Variants in CDH7 observed in about 807,000 individuals in gnomAD.
CDH7 encodes the protein cadherin 7.
In CDH7, 25 loss-of-function variants were observed where a neutral mutation model predicts 71.8. The observed-to-expected ratio is 0.35, with a 90% CI of 0.25 to 0.49. The LOEUF (loss-of-function observed/expected upper bound fraction) is 0.49, where lower values mean the gene tolerates loss of function less well. Among genes scored for constraint, CDH7 ranks in the 20% least tolerant of loss-of-function variants. The pLI, the probability that CDH7 is intolerant of heterozygous loss-of-function variation, is 0.99. For synonymous variants in CDH7, 381 were observed against 363.8 expected (o/e 1.05, Z -0.54); for missense variants, 862 against 974.6 (o/e 0.88, Z 1.54).
intron 2 of CDH7, among the ~76,000 whole-genome samples, chr18:65,793,418 C>CAAAAAAAAA (rs541826329): frequency 2.2e-5 from 2 of 91,196 alleles, no homozygotes; most frequent in African/African-American, 7.7e-5. Context: ...CACCCAGTCT[C>CAAAAAAAAA]AAAAAAAAAA....
At chr18:65,791,961 T>G (rs1292148441) in intron 2 of CDH7, among the ~76,000 whole-genome samples, 1 of 152,192 alleles carries the variant, frequency 6.6e-6, no homozygotes, top group African/African-American at 2.4e-5. Flanking sequence ...GGCTTTTAAT[T>G]AAGTGGCCTT....
At chr18:65,776,081 G>A (rs1159456707) in intron 2 of CDH7, among the ~76,000 whole-genome samples, 1 of 151,994 alleles carries the variant, frequency 6.6e-6, no homozygotes, top group Non-Finnish European at 1.5e-5. Context: ...ATCCCTTTTG[G>A]TAACTGTTTT....
intron 2 of CDH7, among the ~76,000 whole-genome samples, chr18:65,804,047 G>T (rs1457260271): frequency 6.6e-6 from 1 of 152,092 alleles, no homozygotes; most frequent in Admixed American, 6.6e-5. Flanking sequence ...AAGTCAGTGA[G>T]CATCACAGAG....
At chr18:65,834,454 A>G (rs1397919037) in intron 6 of CDH7, among the ~76,000 whole-genome samples, 2 of 152,210 alleles carry the variant, frequency 1.3e-5, no homozygotes. Flanking sequence ...AAGGCTTTAG[A>G]CATTTCTTGG....
chr18:65,776,721 A>C (rs543040196), intron 2 of CDH7, among the ~76,000 whole-genome samples: 1 of 152,266 alleles, frequency 6.6e-6, no homozygotes, highest in South Asian at 2.1e-4. Context: ...CATATCGCCG[A>C]GGTTTACCAA....
At chr18:65,822,531 G>A (rs1372962007) in intron 5 of CDH7, among the ~76,000 whole-genome samples, 1 of 146,078 alleles carries the variant, frequency 6.8e-6, no homozygotes, top group African/African-American at 2.5e-5. Context: ...ATTATTAATT[G>A]TGTTTATGTA....
At chr18:65,872,110 C>G (rs9946001) in intron 11 of CDH7, among the ~76,000 whole-genome samples, 108,864 of 152,024 alleles carry the variant, frequency 0.72, 39,827 homozygotes, top group East Asian at 0.93. Flanking sequence ...CTTTTAAACT[C>G]GCTGCAAGCA....
At chr18:65,863,228 G>C (rs1339560665) in intron 11 of CDH7, 2 of 336,502 alleles carry the variant, frequency 5.9e-6, no homozygotes, top group South Asian at 3.7e-5. Flanking sequence ...AGTAGAGACT[G>C]AGTTTCACCA....
chr18:65,843,801 T>C lies in CDH7; in HGVS notation c.982-11T>C, dbSNP rs367593186. The C allele has an allele frequency of 1.5e-5, 22 of 1,483,488 alleles. No homozygotes were observed. The African/African-American group carries it at 1.7e-4, about 12-fold the overall frequency. The allele number at this position is 1,483,488 out of a possible 1,614,324, so 91.9% of individuals were successfully genotyped here. On this transcript the variant is annotated splice_polypyrimidine_tract_variant and intron_variant, in intron 6 of 11. Coordinates refer to ENST00000397968, the MANE Select transcript of CDH7 (RefSeq NM_004361.5). The stretch of plus-strand genomic sequence containing the variant: ...CCGGTAATTTAATTTTCCTAACGAC[T>C]TTCTTTACAGGAGCTGGATTTTGAA...
At chr18:65,879,937 A>C (rs983928263) in intron 11 of CDH7, among the ~76,000 whole-genome samples, 8 of 152,200 alleles carry the variant, frequency 5.3e-5, no homozygotes, top group Non-Finnish European at 1.0e-4. Flanking sequence ...AGGAGTAGGC[A>C]TTTCTTCAAA....
chr18:65,756,271 GT>G (rs1418244648), intron 1 of CDH7, among the ~76,000 whole-genome samples: 1 of 152,080 alleles, frequency 6.6e-6, no homozygotes, highest in Non-Finnish European at 1.5e-5. Flanking sequence ...GTACTATTAT[GT>G]TTCATAGGTC....
At chr18:65,790,044 A>T (rs534102296) in intron 2 of CDH7, among the ~76,000 whole-genome samples, 1 of 151,942 alleles carries the variant, frequency 6.6e-6, no homozygotes, top group East Asian at 2.0e-4. Context: ...CCTGGCTAAC[A>T]TGGTAAAACC....
intron 2 of CDH7, among the ~76,000 whole-genome samples, chr18:65,790,811 G>C (rs1646561082): frequency 6.6e-6 from 1 of 152,208 alleles, no homozygotes; most frequent in East Asian, 1.9e-4. Flanking sequence ...AGAGGTTGCA[G>C]TAAGCCGAGA....
intron 7 of CDH7, among the ~76,000 whole-genome samples, chr18:65,848,151 G>A (rs1599048132): frequency 6.6e-6 from 1 of 152,034 alleles, no homozygotes; most frequent in African/African-American, 2.4e-5. Context: ...ACGTTTCTGA[G>A]TGATAGAAAC....
chr18:65,824,284 T>C (rs1912044873), intron 5 of CDH7, among the ~76,000 whole-genome samples: 1 of 151,856 alleles, frequency 6.6e-6, no homozygotes, highest in South Asian at 2.1e-4. Flanking sequence ...ATTTTACACA[T>C]TATTGTAATT....
chr18:65,782,190 A>C (rs1222285620), intron 2 of CDH7, among the ~76,000 whole-genome samples: 1 of 125,818 alleles, frequency 7.9e-6, no homozygotes, highest in Non-Finnish European at 1.7e-5. Flanking sequence ...TTCTTTCTTG[A>C]CAGAGTCTCA....
At chr18:65,841,276 A>G (rs1912723153) in intron 6 of CDH7, among the ~76,000 whole-genome samples, 1 of 152,120 alleles carries the variant, frequency 6.6e-6, no homozygotes, top group Non-Finnish European at 1.5e-5. Context: ...GATACATTTA[A>G]AAAAACAAGT....
intron 2 of CDH7, among the ~76,000 whole-genome samples, chr18:65,766,901 A>ATTGTCTAC (rs1568174087): frequency 1.1e-4 from 6 of 55,468 alleles, no homozygotes; most frequent in South Asian, 6.9e-4. Flanking sequence ...AAAAAAAAAA[A>ATTGTCTAC]AAAAAAAAAA....
At chr18:65,772,461 G>T (rs1598992564) in intron 2 of CDH7, among the ~76,000 whole-genome samples, 1 of 152,126 alleles carries the variant, frequency 6.6e-6, no homozygotes, top group East Asian at 1.9e-4. Context: ...GTGGTTAACT[G>T]ATATGTTTTG....
Sources: allele counts gnomAD v4.1 joint callset (sites outside exome capture counted in the v4.1 genomes callset), GRCh38; gene constraint gnomAD v4.1.1; transcripts MANE v1.5; gene names NCBI Gene and HGNC (gene_info 2026-07-23, HGNC 2026-07-21).